The following CTNNA3 variants were observed in gnomAD, a reference collection of about 807,000 sequenced individuals.
The protein encoded by CTNNA3 is catenin alpha-3.
A neutral mutation model predicts 95.7 loss-of-function variants in CTNNA3; 76 were observed. That is an observed-to-expected ratio of 0.79 (90% CI 0.66 to 0.96). The LOEUF (loss-of-function observed/expected upper bound fraction) is 0.96, where lower values mean the gene tolerates loss of function less well. Among genes scored for constraint, CTNNA3 ranks in the 40% least tolerant of loss-of-function variants. The pLI is 0.00. For missense variants in CTNNA3, 1,191 were observed against 1,089.8 expected (o/e 1.09, Z -1.31); for synonymous variants, 431 against 374.4 (o/e 1.15, Z -1.74).
chr10:67,231,600 C>T (rs186641701), intron 5 of CTNNA3, among the ~76,000 whole-genome samples: 38 of 152,266 alleles, frequency 2.5e-4, no homozygotes, highest in African/African-American at 3.8e-4. Flanking sequence ...AAATTGGAAA[C>T]TCTAAAAAGC....
intron 13 of CTNNA3, among the ~76,000 whole-genome samples, chr10:66,118,098 TA>T (rs2133806159): frequency 6.6e-6 from 1 of 152,326 alleles, no homozygotes; most frequent in African/African-American, 2.4e-5. Context: ...TACTTCCTCT[TA>T]TATACGACTA....
At chr10:67,054,485 C>T (rs945722539) in intron 7 of CTNNA3, 18 of 152,082 alleles carry the variant, frequency 1.2e-4, no homozygotes, top group Admixed American at 9.8e-4. Context: ...GAAGTTCCCC[C>T]AAAATACACT....
At chr10:66,210,721 T>C (rs1318610984) in intron 13 of CTNNA3, among the ~76,000 whole-genome samples, 1 of 152,214 alleles carries the variant, frequency 6.6e-6, no homozygotes, top group East Asian at 1.9e-4. Context: ...TATGCTAAAA[T>C]ATATAAAATC....
intron 7 of CTNNA3, among the ~76,000 whole-genome samples, chr10:66,937,949 A>C (rs1255757452): frequency 6.6e-6 from 1 of 151,918 alleles, no homozygotes; most frequent in Admixed American, 6.6e-5. Flanking sequence ...AGAGTTATTA[A>C]GGGGTTTGTA....
At chr10:67,211,683 A>G (rs762381093) in intron 6 of CTNNA3, among the ~76,000 whole-genome samples, 2 of 152,208 alleles carry the variant, frequency 1.3e-5, no homozygotes, top group Admixed American at 1.3e-4. Context: ...AGATGCATAA[A>G]CAAATAAATG....
In CTNNA3 at chr10:66,295,826, T is replaced by C. The variant is rs569034882; in HGVS notation, c.1733-15205A>G. 2.6e-5 allele frequency among the ~76,000 whole-genome samples: 4 copies of C among 152,336 alleles called. No homozygotes were observed. In the South Asian group the frequency reaches 8.3e-4, roughly 32 times the overall value. On this transcript the variant is annotated intron_variant, in intron 12 of 17. Coordinates refer to ENST00000433211, the MANE Select transcript of CTNNA3 (RefSeq NM_013266.4). ...AGGACAAGATAATTGTCCCACGTTC[T>C]GTCAGGCAGAAGTCCCAGTCATCTG...
chr10:66,814,098 G>A (rs779725625), intron 7 of CTNNA3, among the ~76,000 whole-genome samples: 9 of 152,036 alleles, frequency 5.9e-5, no homozygotes, highest in Non-Finnish European at 1.3e-4. Flanking sequence ...CCAAGAGACT[G>A]AGTGGATGAT....
rs1220260399 is a variant in CTNNA3, at chr10:66,647,432, A to T, written c.1282-25648T>A. Among the ~76,000 whole-genome samples, 2 of 152,198 alleles carry T rather than the reference A, an allele frequency of 1.3e-5. 1 individual carries two copies. The highest frequency in any genetic ancestry group is 4.1e-4 in the South Asian group (2 of 4,826). ...ATTAACTATATTTGGGGAAAAGAAG[A>T]CTACAAAAGTCTTCACAATGTAGTT... On this transcript the variant is annotated intron_variant, in intron 9 of 17. Coordinates refer to ENST00000433211, the MANE Select transcript of CTNNA3 (RefSeq NM_013266.4).
chr10:66,024,881 C>T (rs1032189458), intron 15 of CTNNA3, among the ~76,000 whole-genome samples: 3 of 152,192 alleles, frequency 2.0e-5, no homozygotes, highest in Non-Finnish European at 4.4e-5. Flanking sequence ...CAGCACCCAG[C>T]TTGATAATGC....
At chr10:65,989,274 C>G (rs897648890) in intron 15 of CTNNA3, among the ~76,000 whole-genome samples, 17 of 152,104 alleles carry the variant, frequency 1.1e-4, no homozygotes, top group African/African-American at 4.1e-4. Flanking sequence ...TTGAAAAGAG[C>G]ACAATCAGAC....
intron 3 of CTNNA3, among the ~76,000 whole-genome samples, chr10:67,576,935 T>C (rs1476503684): frequency 7.6e-6 from 1 of 130,740 alleles, no homozygotes; most frequent in Non-Finnish European, 1.5e-5. Context: ...TGCCACATTT[T>C]CTTAATCCAG....
intron 5 of CTNNA3, among the ~76,000 whole-genome samples, chr10:67,459,456 A>C (rs1328182550): frequency 6.6e-6 from 1 of 152,200 alleles, no homozygotes; most frequent in Admixed American, 6.5e-5. Flanking sequence ...AAACCAACTT[A>C]AGCTTCTTCT....
At chr10:66,194,516 G>A (rs375692195) in intron 13 of CTNNA3, among the ~76,000 whole-genome samples, 1 of 152,278 alleles carries the variant, frequency 6.6e-6, no homozygotes, top group African/African-American at 2.4e-5. Flanking sequence ...GGAGGTGGAG[G>A]TTGCAGTGAG....
intron 11 of CTNNA3, among the ~76,000 whole-genome samples, chr10:66,394,654 A>G (rs1374920310): frequency 6.6e-6 from 1 of 151,906 alleles, no homozygotes; most frequent in Admixed American, 6.6e-5. Flanking sequence ...ATTCTCCCAT[A>G]TTATGCAATA....
chr10:66,723,451 T>A (rs1848689661), intron 9 of CTNNA3, among the ~76,000 whole-genome samples: 1 of 152,150 alleles, frequency 6.6e-6, no homozygotes, highest in Non-Finnish European at 1.5e-5. Flanking sequence ...CCTAAATCAC[T>A]TGGCCTTATA....
chr10:67,325,257 T>C (rs1043860652), intron 5 of CTNNA3, among the ~76,000 whole-genome samples: 5 of 152,190 alleles, frequency 3.3e-5, no homozygotes, highest in Non-Finnish European at 4.4e-5. Context: ...ATTTTGGTTA[T>C]TTCTTATCTT....
intron 13 of CTNNA3, among the ~76,000 whole-genome samples, chr10:66,280,158 T>C (rs760803900): frequency 6.6e-6 from 1 of 152,068 alleles, no homozygotes; most frequent in Non-Finnish European, 1.5e-5. Flanking sequence ...CAAATTACTT[T>C]ATGTATTTTT....
At chr10:66,493,599 A>ATTTTTTTTTTTTTTTTTTTTT (rs528761424) in intron 11 of CTNNA3, among the ~76,000 whole-genome samples, 3 of 112,022 alleles carry the variant, frequency 2.7e-5, no homozygotes, top group South Asian at 3.3e-4. Flanking sequence ...TAACTACAGT[A>ATTTTTTTTTTTTTTTTTTTTT]TTTTTTTTTT....
intron 13 of CTNNA3, among the ~76,000 whole-genome samples, chr10:66,213,526 T>A (rs2088309615): frequency 6.6e-6 from 1 of 152,198 alleles, no homozygotes; most frequent in Non-Finnish European, 1.5e-5. Context: ...TATATTTTCA[T>A]TATATCCAGT....
Sources: gnomAD v4.1 joint callset for allele counts (sites outside exome capture counted in the v4.1 genomes callset) on GRCh38, gnomAD v4.1.1 for gene constraint, MANE v1.5 for transcripts, NCBI Gene and HGNC (gene_info 2026-07-23, HGNC 2026-07-21) for gene names.